The following MRPL20 variants were observed in gnomAD, a reference collection of about 807,000 sequenced individuals.
MRPL20 encodes the protein mitochondrial ribosomal protein L20, also known as large ribosomal subunit protein bL20m.
Under a neutral mutation model 20.0 loss-of-function variants are expected in MRPL20, and 21 were observed. The ratio of observed to expected loss-of-function variants is 1.05; its 90% CI spans 0.74 to 1.51. The LOEUF (loss-of-function observed/expected upper bound fraction) is 1.51, where lower values mean the gene tolerates loss of function less well. MRPL20 is among the 40% of genes most tolerant of loss of function. MRPL20 has a pLI of 0.00. For synonymous variants in MRPL20, 104 were observed against 73.0 expected, an observed-to-expected ratio of 1.43 and a Z score of -2.17; for missense variants, 252 against 185.6, an observed-to-expected ratio of 1.36 and a Z score of -2.08.
At position 1,401,972 on chromosome 1, in the gene MRPL20, G is replaced by A; in HGVS notation, c.*111C>T. On this transcript the variant is annotated 3_prime_UTR_variant, in exon 4 of 4. Transcript: ENST00000344843. ...ATCATCTGTGAGGCTCTGTCCCAGA[G>A]AGACAGGGCCATCCCTCATGTCTGT... 1 of 1,234,960 alleles carries A rather than the reference G, an allele frequency of 8.1e-7. No homozygotes were observed. Among genetic ancestry groups the A allele is most frequent in the Non-Finnish European group, 1.1e-6 (1 of 884,856 alleles). The allele number at this position is 1,234,960 out of a possible 1,614,324, so 76.5% of individuals were successfully genotyped here. A position where few individuals can be genotyped will look rare whatever the true frequency, so the allele number is the denominator to read the frequency against.
chr1:1,406,940 G>C lies in MRPL20; in HGVS notation c.167C>G (p.Ala56Gly). The change falls in exon 2 of 4, where the codon GCC becomes GGC. Residue 56 changes from alanine to glycine, a missense_variant. By Grantham distance (60) the Ala-to-Gly change is moderately conservative. Transcript: ENST00000344843. ...VIRAFVKCTK[A>G]RYLKKKNMRT... ...CATGTTCTTTTTCTTCAGGTATCGG[G>C]CTTTGGTGCATTTCACAAAGGCTCG... The C allele has an allele frequency of 6.2e-7, 1 of 1,613,726 alleles. No individual in the cohort carries two copies. The highest frequency in any genetic ancestry group is 8.5e-7 in the Non-Finnish European group (1 of 1,179,708).
chr1:1,405,483 C>T, intron 3 of MRPL20: 1 of 602,060 alleles, frequency 1.7e-6, no homozygotes, highest in Non-Finnish European at 3.0e-6. Context: ...ACTATGTTGC[C>T]CAGGCTGTTG....
intron 2 of MRPL20, 89 bp from the exon 3 acceptor site, chr1:1,405,975 C>T (rs1443900560): frequency 3.3e-6 from 5 of 1,516,376 alleles, no homozygotes; most frequent in Non-Finnish European, 4.4e-6. Context: ...GAATATTTTT[C>T]TAAAAGTAAA....
At chr1:1,404,532 A>T (rs1645365438) in intron 3 of MRPL20, among the ~76,000 whole-genome samples, 1 of 141,840 alleles carries the variant, frequency 7.1e-6, no homozygotes, top group Admixed American at 7.1e-5. Context: ...ACAGAGTCTC[A>T]CTCTGTTGCC....
chr1:1,406,967 A>G lies in MRPL20; in HGVS notation c.140T>C (p.Ile47Thr). ...TTTGGTGCATTTCACAAAGGCTCGAATCACGGTTCTGACCGCCAACCTGTA... is the reference window on the plus strand; with the variant it reads ...TTTGGTGCATTTCACAAAGGCTCGAGTCACGGTTCTGACCGCCAACCTGTA... The part of the protein sequence containing the change: ...RCYRLAVRTV[I>T]RAFVKCTKAR... Residue 47 changes from isoleucine to threonine, a missense_variant, in exon 2 of 4, where the codon ATT (isoleucine) becomes ACT (threonine). Physicochemically the swap from Ile to Thr is moderately conservative, Grantham distance 89. Coordinates refer to ENST00000344843, the MANE Select transcript of MRPL20 (RefSeq NM_017971.4). 1 of 1,613,756 alleles carries G rather than the reference A, an allele frequency of 6.2e-7. No homozygotes were observed. The highest frequency in any genetic ancestry group is 8.5e-7 in the Non-Finnish European group (1 of 1,179,798).
In MRPL20 at chr1:1,402,011, A is replaced by T; in HGVS notation, c.*72T>A. On this transcript the variant is annotated 3_prime_UTR_variant, in exon 4 of 4. Coordinates refer to ENST00000344843, the MANE Select transcript of MRPL20 (RefSeq NM_017971.4). ...CCTCATGTCTGTTATTGGGTTGTAG[A>T]TAAACAAAAGTATAAATCAAACAAA... is the stretch of plus-strand genomic sequence containing the variant. 1 of 1,518,986 alleles carries T rather than the reference A, an allele frequency of 6.6e-7. No homozygotes were observed. The highest frequency in any genetic ancestry group is 8.9e-7 in the Non-Finnish European group (1 of 1,121,902). The allele number at this position is 1,518,986 out of a possible 1,614,324, so 94.1% of individuals were successfully genotyped here.
At chr1:1,402,291 G>A in intron 3 of MRPL20, 35 bp from the exon 4 acceptor site, 1 of 1,586,186 alleles carries the variant, frequency 6.3e-7, no homozygotes, top group Non-Finnish European at 8.6e-7. Context: ...TGCTGTCAGT[G>A]TGAGACACAC....
chr1:1,406,542 G>T (rs559819149), intron 2 of MRPL20: 6 of 294,362 alleles, frequency 2.0e-5, no homozygotes, highest in Admixed American at 1.8e-4. Context: ...GCAGCAGATA[G>T]TAGCCCTGGA....
At chr1:1,404,157 CTTTT>C (rs770147398) in intron 3 of MRPL20, among the ~76,000 whole-genome samples, 2 of 145,558 alleles carry the variant, frequency 1.4e-5, no homozygotes, top group Non-Finnish European at 3.0e-5. Context: ...ATTGTTTTAA[CTTTT>C]TTTTTTTTTT....
At chr1:1,403,890 G>A (rs1448131405) in intron 3 of MRPL20, among the ~76,000 whole-genome samples, 1 of 152,222 alleles carries the variant, frequency 6.6e-6, no homozygotes, top group African/African-American at 2.4e-5. Context: ...CGCCCACGCT[G>A]GAGTACACTG....
At chr1:1,406,780 A>C in intron 2 of MRPL20, 129 bp downstream of exon 2, 1 of 790,190 alleles carries the variant, frequency 1.3e-6, no homozygotes, top group Admixed American at 2.0e-5. Context: ...AATTTGTCGG[A>C]GTTTCGAAGC....
Position 1,407,262 on chromosome 1 carries a change from A to G in MRPL20, c.-45T>C, listed in dbSNP as rs763094649. 1.3e-6 allele frequency: 2 copies of G among 1,501,458 alleles called. No individual in the cohort carries two copies. Among genetic ancestry groups the G allele is most frequent in the Non-Finnish European group, 1.8e-6 (2 of 1,101,688 alleles). 93.0% of individuals were successfully genotyped at this position (1,501,458 alleles called of 1,614,324 possible). A position where few individuals can be genotyped will look rare whatever the true frequency, so the allele number is the denominator to read the frequency against. On this transcript the variant is annotated 5_prime_UTR_variant, in exon 1 of 4. Transcript: ENST00000344843. ...CCCGAACACTCAACAACGCACGCGC[A>G]GCGCCGCTGCCATCTTGCCCGGGTC... is the stretch of plus-strand genomic sequence containing the variant.
Position 1,407,277 on chromosome 1 carries a change from T to G in MRPL20, c.-60A>C. On this transcript the variant is annotated 5_prime_UTR_variant, in exon 1 of 4. Transcript: ENST00000344843. ...ACGCACGCGCAGCGCCGCTGCCATC[T>G]TGCCCGGGTCGGAAATGGTGGTCAC... 6.9e-7 allele frequency: 1 copy of G among 1,451,776 alleles called. No homozygotes were observed. The highest frequency in any genetic ancestry group is 9.4e-7 in the Non-Finnish European group (1 of 1,061,074). 89.9% of individuals were successfully genotyped at this position (1,451,776 alleles called of 1,614,324 possible).
chr1:1,401,959 G>C lies in MRPL20; in HGVS notation c.*124C>G, dbSNP rs1476325065. 9.2e-7 allele frequency: 1 copy of C among 1,084,200 alleles called. No individual in the cohort carries two copies. The highest frequency in any genetic ancestry group is 1.3e-6 in the Non-Finnish European group (1 of 756,360). The allele number at this position is 1,084,200 out of a possible 1,614,324, so 67.2% of individuals were successfully genotyped here. On this transcript the variant is annotated 3_prime_UTR_variant, in exon 4 of 4. Coordinates refer to ENST00000344843, the MANE Select transcript of MRPL20 (RefSeq NM_017971.4). The stretch of plus-strand genomic sequence containing the variant: ...ACAAAACATGGACATCATCTGTGAG[G>C]CTCTGTCCCAGAGAGACAGGGCCAT...
chr1:1,406,149 A>G, intron 2 of MRPL20: 1 of 413,068 alleles, frequency 2.4e-6, no homozygotes. Context: ...TCAGATCTGG[A>G]GTTCGAGACC....
chr1:1,402,187 A>C lies in MRPL20; in HGVS notation c.346T>G (p.Leu116Val). 2 of 1,613,988 alleles carry C rather than the reference A, an allele frequency of 1.2e-6. No homozygotes were observed. Among genetic ancestry groups the C allele is most frequent in the Non-Finnish European group, 8.5e-7 (1 of 1,179,986 alleles). Reference sequence around the variant, plus strand: ...CGCCTCCTACTGGCCAAGGCAGCCAAAGATTTGAAAGTCTTTGGCTCGTAG... The same window carrying C: ...CGCCTCCTACTGGCCAAGGCAGCCACAGATTTGAAAGTCTTTGGCTCGTAG... ...AIYEPKTFKS[L>V]AALASRRRHE... Residue 116 changes from leucine (L) to valine (V), a missense_variant, in exon 4 of 4, where the codon TTG (leucine) becomes GTG (valine). Leu to Val is a conservative substitution (Grantham distance 32). Coordinates refer to ENST00000344843, the MANE Select transcript of MRPL20 (RefSeq NM_017971.4).
intron 3 of MRPL20, among the ~76,000 whole-genome samples, chr1:1,404,734 C>T (rs1007997173): frequency 2.0e-5 from 3 of 152,088 alleles, no homozygotes; most frequent in Non-Finnish European, 2.9e-5. Flanking sequence ...ATCCTGACCT[C>T]ATGATCTGTC....
intron 2 of MRPL20, 29 bp downstream of exon 2, chr1:1,406,880 G>T (rs769719476): frequency 6.3e-7 from 1 of 1,587,800 alleles, no homozygotes; most frequent in Non-Finnish European, 8.6e-7. Context: ...GAGTGCGCTG[G>T]CCGGCGGGTG....
chr1:1,402,451 GAGGGAAGCACCTGTGGAATCTGC>G, intron 3 of MRPL20, 195 bp from the exon 4 acceptor site: 1 of 1,361,130 alleles, frequency 7.3e-7, no homozygotes, highest in Admixed American at 3.5e-5. Flanking sequence ...GGACACGGGT[GAGGGAAGCACCTGTGGAATCTGC>G]AGGGAGGCTG....
Sources: allele counts gnomAD v4.1 joint callset (sites outside exome capture counted in the v4.1 genomes callset), GRCh38; gene constraint gnomAD v4.1.1; transcripts MANE v1.5; gene names NCBI Gene and HGNC (gene_info 2026-07-23, HGNC 2026-07-21).